The following BARD1 variants were observed in gnomAD, a reference collection of about 807,000 sequenced individuals.
BARD1 encodes the protein BRCA1 associated RING domain 1.
A neutral mutation model predicts 77.0 loss-of-function variants in BARD1; 73 were observed. The observed-to-expected ratio is 0.95, with a 90% CI of 0.79 to 1.15. The LOEUF (loss-of-function observed/expected upper bound fraction) is 1.15, where lower values mean the gene tolerates loss of function less well. Ranked by LOEUF, BARD1 falls within the 50% of genes most tolerant of loss-of-function variation. The pLI is 0.00. For missense variants in BARD1, 993 were observed against 938.8 expected, an observed-to-expected ratio of 1.06 and a Z score of -0.75; for synonymous variants, 384 against 338.0, an observed-to-expected ratio of 1.14 and a Z score of -1.49.
At chr2:214,774,760 T>G (rs1694665575) in intron 4 of BARD1, among the ~76,000 whole-genome samples, 1 of 152,240 alleles carries the variant, frequency 6.6e-6, no homozygotes, top group African/African-American at 2.4e-5. Context: ...CTGTTTCAAC[T>G]TCACTGAAAT....
rs1191052401 is a variant in BARD1 at position 214,727,134 on chromosome 2, G to A, written c.*1542C>T. 1 of 217,062 alleles carries A rather than the reference G, an allele frequency of 4.6e-6. No individual in the cohort carries two copies. Among genetic ancestry groups the A allele is most frequent in the East Asian group, 6.9e-5 (1 of 14,568 alleles). The allele number at this position is 217,062 out of a possible 1,614,324, so 13.4% of individuals were successfully genotyped here. A position where few individuals can be genotyped will look rare whatever the true frequency, so the allele number is the denominator to read the frequency against. ...ACAAATGCATTACTGGTTGTAGAGAGTGTTTCAGAGCTAATTCACCCAGCA... is the reference window on the plus strand; with the variant it reads ...ACAAATGCATTACTGGTTGTAGAGAATGTTTCAGAGCTAATTCACCCAGCA... On this transcript the variant is annotated 3_prime_UTR_variant, in exon 11 of 11. Transcript: ENST00000260947.
Position 214,792,419 on chromosome 2 carries a change from G to C in BARD1, c.242C>G (p.Thr81Ser), listed in dbSNP as rs1553624824. 1.3e-6 allele frequency: 2 copies of C among 1,597,894 alleles called. No individual in the cohort carries two copies. Among genetic ancestry groups the C allele is most frequent in the Non-Finnish European group, 1.7e-6 (2 of 1,173,094 alleles). ...CSNCVSDCIGTGCPVCYTPAW... is the reference protein window; with the variant it reads ...CSNCVSDCIGSGCPVCYTPAW... ...CGGGGTGTAACACACTGGACATCCAGTTCCAATGCAGTCACTTACACAATT... is the reference window on the plus strand; with the variant it reads ...CGGGGTGTAACACACTGGACATCCACTTCCAATGCAGTCACTTACACAATT... Residue 81 changes from threonine (T) to serine (S), a missense_variant, in exon 3 of 11, where the codon ACT becomes AGT. Coordinates refer to ENST00000260947, the MANE Select transcript of BARD1 (RefSeq NM_000465.4).
At chr2:214,762,413 G>A (rs1365674771) in intron 6 of BARD1, among the ~76,000 whole-genome samples, 1 of 152,060 alleles carries the variant, frequency 6.6e-6, no homozygotes, top group Non-Finnish European at 1.5e-5. Context: ...ATAGGTATAT[G>A]CATGTGTATA....
intron 4 of BARD1, among the ~76,000 whole-genome samples, chr2:214,769,772 G>A (rs1005812954): frequency 2.6e-5 from 4 of 152,016 alleles, no homozygotes; most frequent in African/African-American, 7.2e-5. Context: ...AATTGTCTGC[G>A]TATAAATTAT....
At chr2:214,770,820 C>A (rs986723204) in intron 4 of BARD1, among the ~76,000 whole-genome samples, 4 of 152,160 alleles carry the variant, frequency 2.6e-5, no homozygotes, top group African/African-American at 4.8e-5. Flanking sequence ...AGGTAGTCTG[C>A]CCTCCCACTC....
chr2:214,730,788 C>T lies in BARD1; in HGVS notation c.1904-280G>A, dbSNP rs12614960. ...TAATTTTAATCTCCTTTCTGAAAAA[C>T]CTAAGCCAGGATACTATTTCAAAGA... On this transcript the variant is annotated intron_variant, in intron 9 of 10. Transcript: ENST00000260947. 0.3 allele frequency: 143,652 copies of T among 478,736 alleles called. 22,848 individuals are homozygous for T. The highest frequency in any genetic ancestry group is 0.39 in the South Asian group (20,838 of 53,576). 29.7% of individuals were successfully genotyped at this position (478,736 alleles called of 1,614,324 possible).
At chr2:214,738,831 A>T (rs1692682922) in intron 9 of BARD1, among the ~76,000 whole-genome samples, 1 of 152,318 alleles carries the variant, frequency 6.6e-6, no homozygotes, top group Non-Finnish European at 1.5e-5. Flanking sequence ...ATCCCAGAGT[A>T]GTAAACAGAT....
At chr2:214,730,853 C>A (rs1692323036) in intron 9 of BARD1, 1 of 460,358 alleles carries the variant, frequency 2.2e-6, no homozygotes, top group Non-Finnish European at 4.3e-6. Flanking sequence ...AGCAATTACC[C>A]AAAATTAAGG....
intron 9 of BARD1, among the ~76,000 whole-genome samples, chr2:214,740,392 T>G (rs1250613953): frequency 3.0e-5 from 4 of 135,438 alleles, no homozygotes; most frequent in Non-Finnish European, 4.9e-5. Flanking sequence ...ACTTGAAAAT[T>G]TCAACGTATT....
intron 4 of BARD1, among the ~76,000 whole-genome samples, chr2:214,773,048 T>G (rs1467597026): frequency 6.6e-6 from 1 of 152,186 alleles, no homozygotes; most frequent in African/African-American, 2.4e-5. Flanking sequence ...CACTGAAGGC[T>G]GAAAATAAGA....
chr2:214,770,203 C>G (rs559725132), intron 4 of BARD1, among the ~76,000 whole-genome samples: 8 of 152,318 alleles, frequency 5.3e-5, no homozygotes, highest in Non-Finnish European at 1.0e-4. Flanking sequence ...ACAGAATTAG[C>G]ATTAAATTTT....
intron 6 of BARD1, among the ~76,000 whole-genome samples, chr2:214,766,124 T>C (rs772626186): frequency 1.3e-5 from 2 of 152,160 alleles, no homozygotes; most frequent in Non-Finnish European, 2.9e-5. Context: ...TAGGGAGACA[T>C]GAACCAAGTT....
intron 6 of BARD1, among the ~76,000 whole-genome samples, chr2:214,765,794 C>T (rs1008416981): frequency 2.0e-5 from 3 of 152,110 alleles, no homozygotes; most frequent in African/African-American, 7.2e-5. Flanking sequence ...AGAATATACA[C>T]ATCCCCTGAA....
intron 1 of BARD1, among the ~76,000 whole-genome samples, chr2:214,801,192 T>C (rs1253854777): frequency 6.6e-6 from 1 of 152,162 alleles, no homozygotes; most frequent in Non-Finnish European, 1.5e-5. Flanking sequence ...GCACATGACA[T>C]CAGTATCACT....
In BARD1 at chr2:214,726,751, G is replaced by C. The variant is rs1271429321; in HGVS notation, c.*1925C>G. 3 of 227,966 alleles carry C rather than the reference G, an allele frequency of 1.3e-5. No homozygotes were observed. The East Asian group carries it at 1.9e-4, about 14-fold the overall frequency. The allele number at this position is 227,966 out of a possible 1,614,324, so 14.1% of individuals were successfully genotyped here. On this transcript the variant is annotated 3_prime_UTR_variant, in exon 11 of 11. Transcript: ENST00000260947. ...CAGAAAGTACAATCACAAGTTTCAA[G>C]AGCTTAACACAAACTAACTGCTGTC...
chr2:214,762,704 CT>C (rs1363175925), intron 6 of BARD1, among the ~76,000 whole-genome samples: 2 of 152,172 alleles, frequency 1.3e-5, no homozygotes, highest in African/African-American at 4.8e-5. Flanking sequence ...TAGAAACCAA[CT>C]TTATTAATCC....
rs376256852 is a variant in BARD1 at position 214,745,739 on chromosome 2, G to T, written c.1793C>A (p.Thr598Asn). ...LAVILKAKKY[T>N]EFDSTVTHVV... is the part of the protein sequence containing the mutation. ...ATCCTCACCTGTACTGTCAAACTCA[G>T]TATATTTTTTAGCCTTAAGAATTAC... The change falls in exon 8 of 11, where the codon ACT becomes AAT. Residue 598 changes from threonine to asparagine, a missense_variant. Coordinates refer to ENST00000260947, the MANE Select transcript of BARD1 (RefSeq NM_000465.4). The T allele has an allele frequency of 5.9e-5, 95 of 1,613,862 alleles. No homozygotes were observed. The highest frequency in any genetic ancestry group is 7.1e-5 in the Non-Finnish European group (84 of 1,179,976).
At position 214,809,668 on chromosome 2, in the gene BARD1, A is replaced by G. The variant is rs1010626368; in HGVS notation, c.-99T>C. 4.1e-6 allele frequency: 6 copies of G among 1,459,860 alleles called. No homozygotes were observed. Among genetic ancestry groups the G allele is most frequent in the Non-Finnish European group, 5.5e-6 (6 of 1,084,222 alleles). The allele number at this position is 1,459,860 out of a possible 1,614,324, so 90.4% of individuals were successfully genotyped here. A position where few individuals can be genotyped will look rare whatever the true frequency, so the allele number is the denominator to read the frequency against. ...CAGGCCAGCGACTCGAAACCGGCCA[A>G]GCTCTTCCCGCGTCTGGGACGGCGG... On this transcript the variant is annotated 5_prime_UTR_variant, in exon 1 of 11. Coordinates refer to ENST00000260947, the MANE Select transcript of BARD1 (RefSeq NM_000465.4).
Position 214,781,261 on chromosome 2 carries a change from T to G in BARD1, c.613A>C (p.Lys205Gln), listed in dbSNP as rs1329441113. The G allele has an allele frequency of 2.5e-6, 4 of 1,594,974 alleles. No individual in the cohort carries two copies. Among genetic ancestry groups the G allele is most frequent in the Non-Finnish European group, 3.4e-6 (4 of 1,175,386 alleles). ...TCAGCTAAAGTTTTCTTTTTTTGCT[T>G]TTTTCCAGATCTTGCAGAAGCCTTT... ...AKKASARSGKKQKKKTLAEIN... is the reference protein window; with the variant it reads ...AKKASARSGKQQKKKTLAEIN... Residue 205 changes from lysine (K) to glutamine (Q), a missense_variant, in exon 4 of 11, where the codon AAG becomes CAG. Lys to Gln is a moderately conservative substitution (Grantham distance 53, BLOSUM62 1). Transcript: ENST00000260947.
Sources: allele counts gnomAD v4.1 joint callset (sites outside exome capture counted in the v4.1 genomes callset), GRCh38; gene constraint gnomAD v4.1.1; transcripts MANE v1.5; gene names NCBI Gene and HGNC (gene_info 2026-07-23, HGNC 2026-07-21).